Variants in CCDC73 observed in about 807,000 individuals in gnomAD.
CCDC73 encodes coiled-coil domain-containing protein 73.
In CCDC73, 95 loss-of-function variants were observed where a neutral mutation model predicts 116.5. The ratio of observed to expected loss-of-function variants is 0.82; its 90% confidence interval spans 0.69 to 0.97. CCDC73 has a LOEUF of 0.97. CCDC73 is among the 50% of genes least tolerant of loss of function. The pLI, the probability that CCDC73 is intolerant of heterozygous loss-of-function variation, is 0.00. For synonymous variants in CCDC73, 398 were observed against 401.3 expected (o/e 0.99, Z 0.10); for missense variants, 1,066 against 1,206.8 (o/e 0.88, Z 1.73).
At chr11:32,801,501 C>T in the CCDC73 span, among the ~76,000 whole-genome samples, 2 of 152,132 alleles carry the variant, frequency 1.3e-5, no homozygotes, top group Non-Finnish European at 2.9e-5. Context: ...ATTAGCCCGG[C>T]GTGGTGGCAC....
At chr11:32,658,128 C>A (rs2065548353) in intron 9 of CCDC73, among the ~76,000 whole-genome samples, 1 of 152,146 alleles carries the variant, frequency 6.6e-6, no homozygotes, top group Admixed American at 6.5e-5. Context: ...CTGCTTCATT[C>A]CCTTATCTCT....
intron 9 of CCDC73, among the ~76,000 whole-genome samples, chr11:32,655,407 G>A (rs969673373): frequency 6.6e-6 from 1 of 152,078 alleles, no homozygotes; most frequent in Non-Finnish European, 1.5e-5. Context: ...AACATAAACT[G>A]TATCAAAACG....
At chr11:32,827,040 A>G in the CCDC73 span, among the ~76,000 whole-genome samples, 1 of 151,506 alleles carries the variant, frequency 6.6e-6, no homozygotes, top group Non-Finnish European at 1.5e-5. Flanking sequence ...TTTTTTTTGT[A>G]TTTTTAGTAG....
chr11:32,788,161 C>A (rs903525974), intron 1 of CCDC73, among the ~76,000 whole-genome samples: 2 of 152,128 alleles, frequency 1.3e-5, no homozygotes, highest in African/African-American at 4.8e-5. Flanking sequence ...ATTTTTGTTG[C>A]ATTGATTATA....
At chr11:32,799,201 C>A (rs1850751495), upstream of CCDC73, among the ~76,000 whole-genome samples, 1 of 151,494 alleles carries the variant, frequency 6.6e-6, no homozygotes, top group Non-Finnish European at 1.5e-5. Context: ...AAGTGATTCT[C>A]CTGCCTCAGC....
upstream of CCDC73, among the ~76,000 whole-genome samples, chr11:32,798,918 G>GA (rs1480386486): frequency 6.7e-6 from 1 of 150,348 alleles, no homozygotes; most frequent in East Asian, 2.0e-4. Context: ...TTTGTTTTGG[G>GA]GGGGGGCGTT....
intron 2 of CCDC73, among the ~76,000 whole-genome samples, chr11:32,730,614 T>A (rs1396994): frequency 0.1 from 15,423 of 152,242 alleles, 1,046 homozygotes; most frequent in Non-Finnish European, 0.15. Flanking sequence ...GGTTTTCAGT[T>A]CTTCCATGAT....
chr11:32,615,626 G>T (rs1855466865), intron 15 of CCDC73, among the ~76,000 whole-genome samples: 1 of 152,146 alleles, frequency 6.6e-6, no homozygotes, highest in African/African-American at 2.4e-5. Context: ...CCAAGTGGTT[G>T]TTCAGCCTGA....
chr11:32,680,492 T>C (rs980094860), intron 7 of CCDC73: 2 of 152,138 alleles, frequency 1.3e-5, no homozygotes, highest in Admixed American at 6.5e-5. Context: ...ATCTAATCTA[T>C]GAAAGTCAAG....
At chr11:32,811,178 A>C in the CCDC73 span, among the ~76,000 whole-genome samples, 1 of 152,254 alleles carries the variant, frequency 6.6e-6, no homozygotes, top group East Asian at 1.9e-4. Context: ...AATAAAGCAT[A>C]ACATTGGAGC....
intron 5 of CCDC73, among the ~76,000 whole-genome samples, chr11:32,700,224 C>T (rs866538908): frequency 2.0e-5 from 3 of 151,704 alleles, no homozygotes; most frequent in South Asian, 2.1e-4. Flanking sequence ...AGACCTTTGG[C>T]TAAAAATAAA....
chr11:32,727,905 T>G (rs1034394647), intron 2 of CCDC73, among the ~76,000 whole-genome samples: 2 of 152,078 alleles, frequency 1.3e-5, no homozygotes, highest in Non-Finnish European at 2.9e-5. Context: ...CTAAGGGTGA[T>G]TTTTCTATTT....
In CCDC73 at chr11:32,622,067, T is replaced by C. The variant is rs1051451332; in HGVS notation, c.1186-5938A>G. 4.6e-5 allele frequency among the ~76,000 whole-genome samples: 7 copies of C among 152,210 alleles called. No homozygotes were observed. The South Asian group carries it at 1.4e-3, about 32-fold the overall frequency. ...AATGCTTTTACATTGTTGGTGGGAA[T>C]GTAAATTAGTTCAACCATTGTGGAA... On this transcript the variant is annotated intron_variant, in intron 14 of 17. Coordinates refer to ENST00000335185, the MANE Select transcript of CCDC73 (RefSeq NM_001008391.4).
intron 12 of CCDC73, among the ~76,000 whole-genome samples, chr11:32,651,495 G>A (rs1034749495): frequency 4.6e-5 from 7 of 152,294 alleles, no homozygotes; most frequent in South Asian, 4.1e-4. Flanking sequence ...GTGGCAGGAC[G>A]GGAACGAGGA....
At chr11:32,772,192 A>C (rs1850497354) in intron 1 of CCDC73, among the ~76,000 whole-genome samples, 1 of 152,196 alleles carries the variant, frequency 6.6e-6, no homozygotes, top group African/African-American at 2.4e-5. Context: ...TTTTTAGTTT[A>C]ATTTTTTTTA....
chr11:32,824,489 G>C, the CCDC73 span, among the ~76,000 whole-genome samples: 1 of 152,196 alleles, frequency 6.6e-6, no homozygotes, highest in Admixed American at 6.5e-5. Context: ...TCTCAGAAGA[G>C]GTAGAGAGAA....
chr11:32,653,899 G>T (rs1855848604), intron 11 of CCDC73, 79 bp downstream of exon 11: 1 of 1,491,656 alleles, frequency 6.7e-7, no homozygotes, highest in Non-Finnish European at 9.0e-7. Context: ...TATGTGCTAT[G>T]CATGATTCCA....
At chr11:32,703,074 CA>C in intron 3 of CCDC73, 130 bp from the exon 4 acceptor site, 3 of 693,028 alleles carry the variant, frequency 4.3e-6, no homozygotes, top group Non-Finnish European at 5.1e-6. Flanking sequence ...TCCTGGAATG[CA>C]ACTTTAAACC....
At chr11:32,799,065 A>G (rs1197455862), upstream of CCDC73, among the ~76,000 whole-genome samples, 2 of 147,792 alleles carry the variant, frequency 1.4e-5, no homozygotes, top group Non-Finnish European at 3.0e-5. Flanking sequence ...GTGCACCACC[A>G]CACTTGGCTA....
Sources: allele counts gnomAD v4.1 joint callset (sites outside exome capture counted in the v4.1 genomes callset), GRCh38; gene constraint gnomAD v4.1.1; transcripts MANE v1.5; gene names NCBI Gene and HGNC (gene_info 2026-07-23, HGNC 2026-07-21).